EIF4A3: variants seen among roughly 807,000 people sequenced by gnomAD.
EIF4A3 encodes the protein eukaryotic translation initiation factor 4A3.
Under a neutral mutation model 55.6 loss-of-function variants are expected in EIF4A3, and 1 was observed. The ratio of observed to expected loss-of-function variants is 0.02; its 90% confidence interval spans 0.01 to 0.09. EIF4A3 has a LOEUF of 0.09. Ranked by LOEUF, EIF4A3 falls within the 10% of genes least tolerant of loss-of-function variation. The probability of loss-of-function intolerance (pLI) is 1.00; values close to 1 mark genes in which losing one functional copy is unlikely to be tolerated. For synonymous variants in EIF4A3, 194 were observed against 196.3 expected (o/e 0.99, Z 0.10); for missense variants, 221 against 540.7 (o/e 0.41, Z 5.86).
At chr17:80,141,751 A>G (rs762580943) in intron 3 of EIF4A3, 31 bp downstream of exon 3, 17 of 1,582,456 alleles carry the variant, frequency 1.1e-5, no homozygotes, top group South Asian at 3.3e-5. Flanking sequence ...CTAGAATTAC[A>G]TAACAGTTTG....
At chr17:80,141,725 A>G in intron 3 of EIF4A3, 57 bp downstream of exon 3, 1 of 1,546,590 alleles carries the variant, frequency 6.5e-7, no homozygotes, top group Non-Finnish European at 8.9e-7. Flanking sequence ...GTTACAGAAG[A>G]AAAAGCAAGT....
At chr17:80,139,943 GTAC>G in intron 5 of EIF4A3, 62 bp downstream of exon 5, 1 of 1,581,670 alleles carries the variant, frequency 6.3e-7, no homozygotes, top group East Asian at 2.2e-5. Context: ...AAGCTGTCCT[GTAC>G]CATTTAAGCA....
At chr17:80,138,365 C>G in intron 7 of EIF4A3, 85 bp from the exon 8 acceptor site, 3 of 1,554,114 alleles carry the variant, frequency 1.9e-6, no homozygotes, top group Non-Finnish European at 2.6e-6. Context: ...CAGGGAGACC[C>G]TGGTGGAAAA....
In EIF4A3 at chr17:80,136,213, G is replaced by C. The variant is rs774396342; in HGVS notation, c.1091+15C>G. 47 of 1,613,120 alleles carry C rather than the reference G, an allele frequency of 2.9e-5. 1 individual carries two copies. The South Asian group carries it at 4.7e-4, about 16-fold the overall frequency. On this transcript the variant is annotated intron_variant, in intron 10 of 11. Coordinates refer to ENST00000649764, the MANE Select transcript of EIF4A3 (RefSeq NM_014740.4). ...TGTGTCACAGAAGTGAAGCCAATGA[G>C]AGCTTGCACCTTACCTGTGTATGTA... is the stretch of plus-strand genomic sequence containing the variant.
In EIF4A3 at chr17:80,147,002, GA is replaced by G; in HGVS notation, c.-42del. On this transcript the variant is annotated 5_prime_UTR_variant, in exon 1 of 12. Transcript: ENST00000649764. The stretch of plus-strand genomic sequence containing the variant: ...GAAGAGCACAGCGCGCGCCGCTGCC[GA>G]CCTCGCTGCCGCTGCCGACCTCGCT... The G allele has an allele frequency of 6.8e-7, 1 of 1,470,078 alleles. No individual in the cohort carries two copies. Among genetic ancestry groups the G allele is most frequent in the Non-Finnish European group, 9.0e-7 (1 of 1,108,704 alleles). The allele number at this position is 1,470,078 out of a possible 1,614,324, so 91.1% of individuals were successfully genotyped here.
chr17:80,143,720 T>C (rs1306685600), intron 2 of EIF4A3, among the ~76,000 whole-genome samples: 1 of 152,194 alleles, frequency 6.6e-6, no homozygotes, highest in Non-Finnish European at 1.5e-5. Flanking sequence ...AACTCATGCC[T>C]GAAATCCCAG....
At chr17:80,136,517 G>A (rs1275522701) in intron 9 of EIF4A3, 182 bp from the exon 10 acceptor site, 3 of 584,976 alleles carry the variant, frequency 5.1e-6, no homozygotes, top group South Asian at 2.3e-5. Flanking sequence ...CCCCTGTGCA[G>A]AGGGGCTGTT....
At chr17:80,139,522 G>A (rs2039600553) in intron 6 of EIF4A3, 148 bp downstream of exon 6, 4 of 740,542 alleles carry the variant, frequency 5.4e-6, no homozygotes. Flanking sequence ...GGAATTTTTT[G>A]TTCATAATTG....
chr17:80,144,095 G>T, intron 2 of EIF4A3, 77 bp downstream of exon 2: 2 of 1,362,100 alleles, frequency 1.5e-6, no homozygotes, highest in Non-Finnish European at 2.1e-6. Context: ...GAGGGAAACA[G>T]TCATCCCAGA....
Position 80,139,766 on chromosome 17 carries a change from T to G in EIF4A3, c.506-16A>C. 6.2e-7 allele frequency: 1 copy of G among 1,609,544 alleles called. No homozygotes were observed. The highest frequency in any genetic ancestry group is 8.5e-7 in the Non-Finnish European group (1 of 1,177,438). On this transcript the variant is annotated splice_polypyrimidine_tract_variant and intron_variant, in intron 5 of 11. Transcript: ENST00000649764. ...CGAATCATATCTATAACATGAGATT[T>G]TGAAATACTTACGACAAATCACATC...
Position 80,141,840 on chromosome 17 carries a change from G to T in EIF4A3, c.251C>A (p.Ser84Tyr). Residue 84 changes from serine (S) to tyrosine (Y), a missense_variant, in exon 3 of 12, where the codon TCC becomes TAC. Ser to Tyr is a moderately radical substitution (Grantham distance 144, BLOSUM62 -2). Transcript: ENST00000649764. ...KGRDVIAQSQ[S>Y]GTGKTATFSI... ...GAAGGTGGCTGTTTTTCCTGTGCCG[G>T]ACTGAGACCTATTCAAGGAAACAAA... The T allele has an allele frequency of 6.2e-7, 1 of 1,613,964 alleles. No individual in the cohort carries two copies. Among genetic ancestry groups the T allele is most frequent in the South Asian group, 1.1e-5 (1 of 91,048 alleles).
chr17:80,146,674 C>G (rs2039666333), intron 1 of EIF4A3, 119 bp downstream of exon 1: 1 of 1,266,344 alleles, frequency 7.9e-7, no homozygotes, highest in Non-Finnish European at 1.0e-6. Flanking sequence ...CCCCGAGCCT[C>G]GACCCTGACC....
chr17:80,140,249 C>T, intron 4 of EIF4A3, 109 bp from the exon 5 acceptor site: 1 of 1,295,192 alleles, frequency 7.7e-7, no homozygotes, highest in African/African-American at 1.5e-5. Context: ...TTATTTATGC[C>T]ATTATTATCT....
rs57121237 is a variant in EIF4A3, at chr17:80,143,877, G to A, written c.242+295C>T. On this transcript the variant is annotated intron_variant, in intron 2 of 11. Coordinates refer to ENST00000649764, the MANE Select transcript of EIF4A3 (RefSeq NM_014740.4). ...TGCCTGTAATCCCAGCTACTTGGGA[G>A]GGTGAGGCAGGAGAATAGCTTGAAA... is the stretch of plus-strand genomic sequence containing the variant. Among the ~76,000 whole-genome samples the A allele has an allele frequency of 4.3e-3, 650 of 152,286 alleles. 6 individuals carry two copies. Among genetic ancestry groups the A allele is most frequent in the African/African-American group, 0.015 (613 of 41,544 alleles).
intron 7 of EIF4A3, chr17:80,138,771 T>C: frequency 4.4e-6 from 2 of 452,844 alleles, no homozygotes; most frequent in Non-Finnish European, 7.9e-6. Context: ...TAATTTTTTA[T>C]TATTGGTAGA....
chr17:80,139,549 T>C lies in EIF4A3; in HGVS notation c.586+121A>G, dbSNP rs888635566. 4.5e-6 allele frequency: 4 copies of C among 892,390 alleles called. No homozygotes were observed. The African/African-American group carries it at 5.1e-5, about 11-fold the overall frequency. The allele number at this position is 892,390 out of a possible 1,614,324, so 55.3% of individuals were successfully genotyped here. A position where few individuals can be genotyped will look rare whatever the true frequency, so the allele number is the denominator to read the frequency against. On this transcript the variant is annotated intron_variant, in intron 6 of 11. Coordinates refer to ENST00000649764, the MANE Select transcript of EIF4A3 (RefSeq NM_014740.4). ...TCATAATTGCCAAGGCACAATTGTT[T>C]TTCCACGATGAAAACACTATTCACA...
rs1225747222 is a variant in EIF4A3 at position 80,144,585 on chromosome 17, G to A, written c.170-341C>T. On this transcript the variant is annotated intron_variant, in intron 1 of 11. Coordinates refer to ENST00000649764, the MANE Select transcript of EIF4A3 (RefSeq NM_014740.4). ...AATGTTCCTGGCAGTTACTGCAGTA[G>A]AGGGGTGGAAAGAAACTTACTTTTT... 2.0e-5 allele frequency among the ~76,000 whole-genome samples: 3 copies of A among 151,930 alleles called. No individual in the cohort carries two copies. The South Asian group carries it at 6.2e-4, about 31-fold the overall frequency.
intron 2 of EIF4A3, among the ~76,000 whole-genome samples, chr17:80,143,650 A>G (rs1297845974): frequency 1.3e-5 from 2 of 152,208 alleles, no homozygotes; most frequent in Admixed American, 1.3e-4. Context: ...ACAATTCCAC[A>G]TGCCAGCAAA....
intron 1 of EIF4A3, among the ~76,000 whole-genome samples, chr17:80,145,079 T>C (rs1171969421): frequency 6.6e-6 from 1 of 152,204 alleles, no homozygotes; most frequent in African/African-American, 2.4e-5. Flanking sequence ...ATATAGCAGA[T>C]GATTTAAACT....
Sources: gnomAD v4.1 joint callset for allele counts (sites outside exome capture counted in the v4.1 genomes callset) on GRCh38, gnomAD v4.1.1 for gene constraint, MANE v1.5 for transcripts, NCBI Gene and HGNC (gene_info 2026-07-23, HGNC 2026-07-21) for gene names.